The following DSCAML1 variants were observed in gnomAD, a reference collection of about 807,000 sequenced individuals.
DSCAML1 encodes DS cell adhesion molecule like 1, also known as cell adhesion molecule DSCAML1.
DSCAML1 carries 38 observed loss-of-function variants against 200.5 expected under a neutral mutation model. The observed-to-expected ratio is 0.19, with a 90% CI of 0.15 to 0.25. DSCAML1 has a LOEUF of 0.25. Ranked by LOEUF, DSCAML1 falls within the 10% of genes least tolerant of loss-of-function variation. The pLI is 1.00. For synonymous variants in DSCAML1, 1,215 were observed against 1,165.0 expected (o/e 1.04, Z -0.87); for missense variants, 2,223 against 2,858.8 (o/e 0.78, Z 5.07).
chr11:117,815,473 C>T (rs889384073), intron 1 of DSCAML1, among the ~76,000 whole-genome samples: 2 of 152,186 alleles, frequency 1.3e-5, no homozygotes, highest in African/African-American at 4.8e-5. Context: ...TTCCCCAGCT[C>T]AGAACATTGC....
chr11:117,806,692 C>T (rs987794912), intron 1 of DSCAML1, among the ~76,000 whole-genome samples: 5 of 152,210 alleles, frequency 3.3e-5, no homozygotes, highest in African/African-American at 7.2e-5. Flanking sequence ...ATTCACGCAG[C>T]GTCAGATGCT....
At chr11:117,584,376 T>C (rs1158309558) in intron 3 of DSCAML1, among the ~76,000 whole-genome samples, 1 of 152,166 alleles carries the variant, frequency 6.6e-6, no homozygotes, top group African/African-American at 2.4e-5. Flanking sequence ...CTACCCAAGA[T>C]GGGATGTTTA....
intron 3 of DSCAML1, among the ~76,000 whole-genome samples, chr11:117,758,321 G>A (rs934121861): frequency 2.0e-5 from 3 of 150,346 alleles, no homozygotes; most frequent in East Asian, 2.0e-4. Context: ...AAATTCTACC[G>A]TAAGTTATTT....
rs2054974445 is a variant in DSCAML1 at position 117,769,332 on chromosome 11, ATAATATATATT to A, written c.511+7448_511+7458del. 3.7e-4 allele frequency among the ~76,000 whole-genome samples: 4 copies of A among 10,742 alleles called. 1 individual carries two copies. The highest frequency in any genetic ancestry group is 6.8e-4 in the Non-Finnish European group (3 of 4,422). 7.0% of individuals were successfully genotyped at this position (10,742 alleles called of 152,430 possible). On this transcript the variant is annotated intron_variant, in intron 3 of 32. Coordinates refer to ENST00000651296, the MANE Select transcript of DSCAML1 (RefSeq NM_020693.4). ...TTTATATAATATATATTTTATATAT[ATAATATATATT>A]TTATATATATTATATATTTTATATA...
chr11:117,663,040 T>C (rs1207980049), intron 3 of DSCAML1, among the ~76,000 whole-genome samples: 9 of 152,000 alleles, frequency 5.9e-5, no homozygotes, highest in Admixed American at 5.2e-4. Flanking sequence ...CCCCCGGAGA[T>C]GGGGAAGGAC....
At chr11:117,544,042 G>A (rs899831742) in intron 3 of DSCAML1, among the ~76,000 whole-genome samples, 2 of 152,130 alleles carry the variant, frequency 1.3e-5, no homozygotes, top group Non-Finnish European at 2.9e-5. Flanking sequence ...GGAGTCAGAG[G>A]GAGGAGGAAG....
chr11:117,432,552 A>C (rs757272016), intron 29 of DSCAML1, 48 bp from the exon 30 acceptor site: 1 of 1,577,964 alleles, frequency 6.3e-7, no homozygotes, highest in East Asian at 2.2e-5. Flanking sequence ...ATTGTTTTTT[A>C]AAGCTCTTTT....
At chr11:117,458,147 G>A (rs1440854819) in intron 19 of DSCAML1, among the ~76,000 whole-genome samples, 4 of 152,142 alleles carry the variant, frequency 2.6e-5, no homozygotes, top group Admixed American at 1.3e-4. Flanking sequence ...TTCCTCCTGG[G>A]CTGACTTCAT....
intron 15 of DSCAML1, among the ~76,000 whole-genome samples, chr11:117,470,188 A>G (rs867554252): frequency 4.1e-4 from 62 of 152,226 alleles, no homozygotes; most frequent in African/African-American, 1.4e-3. Flanking sequence ...ATTTGCTGAA[A>G]ATATAGCAAA....
rs773179557 is a variant in DSCAML1, at chr11:117,437,901, C to T, written c.4426G>A (p.Gly1476Arg). Residue 1476 changes from glycine (G) to arginine (R), a missense_variant, in exon 25 of 33, where the codon GGG becomes AGG. This residue lies in a region of DSCAML1 where 614 missense variants were observed against 739.1 expected (regional missense o/e 0.83). Transcript: ENST00000651296. The surrounding 1 kb of genome is among the most constrained non-coding windows in gnomAD (Gnocchi z 5.3). Reference sequence around the variant, plus strand: ...CCAGTGGCCTGGGCCTCACCCCGCCCGTGGGTCTTGGCCTCGATGATCTCG... The same window carrying T: ...CCAGTGGCCTGGGCCTCACCCCGCCTGTGGGTCTTGGCCTCGATGATCTCG... ...ISEIIEAKTHGREPSFSKDQH... is the reference protein window; with the variant it reads ...ISEIIEAKTHRREPSFSKDQH... 1.2e-6 allele frequency: 2 copies of T among 1,607,724 alleles called. No individual in the cohort carries two copies. The highest frequency in any genetic ancestry group is 1.7e-6 in the Non-Finnish European group (2 of 1,178,594).
At chr11:117,602,145 G>C (rs1308248818) in intron 3 of DSCAML1, among the ~76,000 whole-genome samples, 8 of 152,358 alleles carry the variant, frequency 5.3e-5, no homozygotes, top group Non-Finnish European at 4.4e-5. Flanking sequence ...GCCTTCTCAC[G>C]ACCTCTAAAA....
At chr11:117,617,675 TACACGCACACACACACACAC>T (rs2051836908) in intron 3 of DSCAML1, among the ~76,000 whole-genome samples, 1 of 107,652 alleles carries the variant, frequency 9.3e-6, no homozygotes, top group South Asian at 3.4e-4. Context: ...AACACACAGG[TACACGCACACACACACACAC>T]ACACACACAC....
chr11:117,575,219 G>C (rs141554179), intron 3 of DSCAML1, among the ~76,000 whole-genome samples: 80 of 152,290 alleles, frequency 5.3e-4, no homozygotes, highest in African/African-American at 1.9e-3. Context: ...CAGAAGTCCT[G>C]TGTCCTGAGA....
intron 3 of DSCAML1, among the ~76,000 whole-genome samples, chr11:117,655,973 ATGT>A (rs1277157660): frequency 1.3e-5 from 2 of 152,172 alleles, no homozygotes; most frequent in Non-Finnish European, 2.9e-5. Context: ...AGGCAGCAAG[ATGT>A]TGTAAAGAGA....
At chr11:117,724,855 A>G (rs988837339) in intron 3 of DSCAML1, among the ~76,000 whole-genome samples, 4 of 152,194 alleles carry the variant, frequency 2.6e-5, no homozygotes, top group Non-Finnish European at 4.4e-5. Flanking sequence ...TATGTCAACC[A>G]TCATCCACTA....
At chr11:117,760,154 G>C (rs1235615517) in intron 3 of DSCAML1, among the ~76,000 whole-genome samples, 1 of 152,132 alleles carries the variant, frequency 6.6e-6, no homozygotes, top group African/African-American at 2.4e-5. Context: ...CTTTGCACAT[G>C]GTGTTGAAAT....
At position 117,480,294 on chromosome 11, in the gene DSCAML1, G is replaced by T. The variant is rs2048885208; in HGVS notation, c.2785+149C>A. On this transcript the variant is annotated intron_variant, in intron 14 of 32. Coordinates refer to ENST00000651296, the MANE Select transcript of DSCAML1 (RefSeq NM_020693.4). The surrounding 1 kb of genome is among the most constrained non-coding windows in gnomAD (Gnocchi z 4.1). ...AGTGTCCCTCCCTTCAGAAGCCACA[G>T]CTGCTTGTGCACTGGTGGGTGCTTG... The T allele has an allele frequency of 8.0e-7, 1 of 1,254,234 alleles. No homozygotes were observed. The highest frequency in any genetic ancestry group is 1.5e-5 in the African/African-American group (1 of 66,746). 77.7% of individuals were successfully genotyped at this position (1,254,234 alleles called of 1,614,324 possible). A position where few individuals can be genotyped will look rare whatever the true frequency, so the allele number is the denominator to read the frequency against.
intron 8 of DSCAML1, among the ~76,000 whole-genome samples, chr11:117,508,282 C>T (rs923653836): frequency 2.6e-5 from 4 of 152,128 alleles, no homozygotes; most frequent in East Asian, 3.9e-4. Flanking sequence ...CTGAAGCCTT[C>T]GGTCCACACC....
At chr11:117,442,279 T>C (rs2048076925) in intron 21 of DSCAML1, among the ~76,000 whole-genome samples, 1 of 150,530 alleles carries the variant, frequency 6.6e-6, no homozygotes, top group South Asian at 2.1e-4. Context: ...TTAGTGTGTA[T>C]AGTGTGTATG....
Sources: gnomAD v4.1 joint callset for allele counts (sites outside exome capture counted in the v4.1 genomes callset) on GRCh38, gnomAD v4.1.1 for gene constraint, gnomAD v4.1.1 regional missense constraint, Gnocchi (gnomAD v3.1) non-coding constraint, MANE v1.5 for transcripts, NCBI Gene and HGNC (gene_info 2026-07-23, HGNC 2026-07-21) for gene names.